Variants in FAM204A observed in about 807,000 individuals in gnomAD.
FAM204A encodes protein FAM204A.
A neutral mutation model predicts 35.4 loss-of-function variants in FAM204A; 16 were observed. The observed-to-expected ratio is 0.45, with a 90% confidence interval of 0.31 to 0.69. The LOEUF (loss-of-function observed/expected upper bound fraction) is 0.69. Among genes scored for constraint, FAM204A ranks in the 30% least tolerant of loss-of-function variants. The pLI, the probability that FAM204A is intolerant of heterozygous loss-of-function variation, is 0.07. For missense variants in FAM204A, 240 were observed against 265.7 expected (o/e 0.90, Z 0.67); for synonymous variants, 76 against 86.9 (o/e 0.88, Z 0.70).
At position 118,335,565 on chromosome 10, in the gene FAM204A, C is replaced by T. The variant is rs148686616; in HGVS notation, c.311G>A (p.Arg104His). 29 of 1,611,238 alleles carry T rather than the reference C, an allele frequency of 1.8e-5. No homozygotes were observed. The African/African-American group carries it at 3.3e-4, about 19-fold the overall frequency. ...TTAAAACAAAACACCTTTTCTGGAGCGTTTTCTTCTTTTCCCTCTGAATCT... is the reference window on the plus strand; with the variant it reads ...TTAAAACAAAACACCTTTTCTGGAGTGTTTTCTTCTTTTCCCTCTGAATCT... Reference protein sequence around the residue: ...TSRFRGKRRKRSRKDKLKNEK... With the variant: ...TSRFRGKRRKHSRKDKLKNEK... The change falls in exon 4 of 9, where the codon CGC becomes CAC. Residue 104 changes from arginine (R) to histidine (H), a missense_variant. Around this residue, in one of 2 missense-constraint regions of FAM204A, gnomAD observed 232 missense variants for 242.8 expected, o/e 0.96. Coordinates refer to ENST00000369183, the MANE Select transcript of FAM204A (RefSeq NM_022063.3).
chr10:118,329,902 T>C (rs1846263816), intron 6 of FAM204A, among the ~76,000 whole-genome samples: 1 of 152,176 alleles, frequency 6.6e-6, no homozygotes, highest in Non-Finnish European at 1.5e-5. Flanking sequence ...TTCCAGAGAA[T>C]TCACAACTGT....
intron 7 of FAM204A, among the ~76,000 whole-genome samples, chr10:118,315,267 A>G (rs1846013359): frequency 6.6e-6 from 1 of 152,166 alleles, no homozygotes; most frequent in African/African-American, 2.4e-5. Context: ...CAAACTTCAA[A>G]ATAAAGTTAG....
intron 7 of FAM204A, among the ~76,000 whole-genome samples, chr10:118,321,889 A>G (rs1846124966): frequency 6.6e-6 from 1 of 152,118 alleles, no homozygotes; most frequent in East Asian, 1.9e-4. Flanking sequence ...CAGAGTTCAT[A>G]TGCAACCGCT....
intron 7 of FAM204A, among the ~76,000 whole-genome samples, chr10:118,319,526 C>T (rs1269684942): frequency 1.3e-5 from 2 of 151,856 alleles, no homozygotes; most frequent in South Asian, 2.1e-4. Flanking sequence ...AAGAGGGTAC[C>T]ATTAAAATGA....
At chr10:118,321,829 T>C (rs1021522484) in intron 7 of FAM204A, among the ~76,000 whole-genome samples, 5 of 150,588 alleles carry the variant, frequency 3.3e-5, no homozygotes, top group African/African-American at 1.2e-4. Context: ...AGCTTCAAAC[T>C]GCACATAGAA....
rs1212795803 is a variant in FAM204A, at chr10:118,310,116, T to C, written c.*741A>G. The C allele has an allele frequency of 6.6e-6, 1 of 152,106 alleles. No homozygotes were observed. Among genetic ancestry groups the C allele is most frequent in the African/African-American group, 2.4e-5 (1 of 41,380 alleles). The allele number at this position is 152,106 out of a possible 1,614,324, so 9.4% of individuals were successfully genotyped here. ...CTTTTTGGTACTTACGACTAATCCATTATAAACAACTGTCAGTCTTAAAAA... is the reference window on the plus strand; with the variant it reads ...CTTTTTGGTACTTACGACTAATCCACTATAAACAACTGTCAGTCTTAAAAA... On this transcript the variant is annotated 3_prime_UTR_variant, in exon 9 of 9. Coordinates refer to ENST00000369183, the MANE Select transcript of FAM204A (RefSeq NM_022063.3).
rs554777232 is a variant in FAM204A at position 118,335,230 on chromosome 10, A to G, written c.354-17T>C. ...GACGGTTCACTAAAAGAAGATAGTAAGTTTTGTTTTATACAATATATACTG... is the reference window on the plus strand; with the variant it reads ...GACGGTTCACTAAAAGAAGATAGTAGGTTTTGTTTTATACAATATATACTG... On this transcript the variant is annotated splice_polypyrimidine_tract_variant and intron_variant, in intron 5 of 8. Transcript: ENST00000369183. The G allele has an allele frequency of 2.5e-4, 399 of 1,604,966 alleles. 7 individuals are homozygous for G. The South Asian group carries it at 4.2e-3, about 17-fold the overall frequency.
chr10:118,316,685 C>T (rs775494304), intron 7 of FAM204A, among the ~76,000 whole-genome samples: 4 of 152,092 alleles, frequency 2.6e-5, no homozygotes, highest in Non-Finnish European at 5.9e-5. Context: ...TTTTAAAACA[C>T]ATCAAATAGA....
chr10:118,330,547 A>G (rs1320090864), intron 6 of FAM204A, among the ~76,000 whole-genome samples: 1 of 152,234 alleles, frequency 6.6e-6, no homozygotes, highest in African/African-American at 2.4e-5. Context: ...ACTGGCTTGA[A>G]TGAGTAACCC....
At chr10:118,332,019 CA>C (rs1464586124) in intron 6 of FAM204A, among the ~76,000 whole-genome samples, 3 of 150,388 alleles carry the variant, frequency 2.0e-5, no homozygotes, top group Non-Finnish European at 4.4e-5. Context: ...ACTAAAAATA[CA>C]AAAATTAGCT....
At chr10:118,339,280 T>C (rs1459872904) in intron 2 of FAM204A, among the ~76,000 whole-genome samples, 1 of 152,176 alleles carries the variant, frequency 6.6e-6, no homozygotes, top group Non-Finnish European at 1.5e-5. Context: ...TCAGCCAATA[T>C]GGAGTGGCTG....
intron 6 of FAM204A, among the ~76,000 whole-genome samples, chr10:118,329,489 T>C (rs897152557): frequency 1.3e-5 from 2 of 152,138 alleles, no homozygotes; most frequent in African/African-American, 4.8e-5. Flanking sequence ...TGAAAAATAT[T>C]AATCATCCCT....
At chr10:118,324,853 C>T (rs759162182) in intron 7 of FAM204A, among the ~76,000 whole-genome samples, 6 of 152,086 alleles carry the variant, frequency 3.9e-5, no homozygotes, top group Non-Finnish European at 8.8e-5. Context: ...GTACATTTTA[C>T]AATTTAAAAA....
At chr10:118,337,628 A>C (rs1443287018) in intron 2 of FAM204A, among the ~76,000 whole-genome samples, 2 of 152,096 alleles carry the variant, frequency 1.3e-5, no homozygotes, top group East Asian at 1.9e-4. Context: ...ATGAGGAAGG[A>C]CTCTGGCATC....
At chr10:118,328,369 G>C (rs973477362) in intron 6 of FAM204A, among the ~76,000 whole-genome samples, 1 of 152,130 alleles carries the variant, frequency 6.6e-6, no homozygotes, top group African/African-American at 2.4e-5. Context: ...CAAAGTTTAA[G>C]TGCTGGACTA....
chr10:118,320,630 T>C (rs2133274633), intron 7 of FAM204A, among the ~76,000 whole-genome samples: 1 of 152,062 alleles, frequency 6.6e-6, no homozygotes, highest in Admixed American at 6.6e-5. Flanking sequence ...ATGTTTCTAC[T>C]TCATCTCTCC....
rs766963564 is a variant in FAM204A, at chr10:118,336,264, G to A, written c.152C>T (p.Thr51Ile). The change falls in exon 3 of 9, where the codon ACA becomes ATA. Residue 51 changes from threonine (T) to isoleucine (I), a missense_variant. Physicochemically the swap from Thr to Ile is moderately conservative, Grantham distance 89. Coordinates refer to ENST00000369183, the MANE Select transcript of FAM204A (RefSeq NM_022063.3). ...IRKTEIIDFS[T>I]DEPKTETESN... ...CTCTGTTTCAGTTTTTGGTTCATCT[G>A]TTGAGAAATCTATGATTTCTGTTTT... 1.1e-5 allele frequency: 17 copies of A among 1,613,884 alleles called. No homozygotes were observed. Among genetic ancestry groups the A allele is most frequent in the African/African-American group, 2.7e-5 (2 of 75,018 alleles).
At chr10:118,335,714 T>A in intron 3 of FAM204A, 73 bp from the exon 4 acceptor site, 2 of 1,122,164 alleles carry the variant, frequency 1.8e-6, no homozygotes, top group Non-Finnish European at 2.6e-6. Flanking sequence ...AATAATGAAG[T>A]AATAAAACAA....
intron 7 of FAM204A, among the ~76,000 whole-genome samples, chr10:118,316,678 T>C (rs765741314): frequency 6.6e-5 from 10 of 152,138 alleles, no homozygotes; most frequent in African/African-American, 1.2e-4. Flanking sequence ...ATCCTGTTTT[T>C]AAAACACATC....
Sources: gnomAD v4.1 joint callset for allele counts (sites outside exome capture counted in the v4.1 genomes callset) on GRCh38, gnomAD v4.1.1 for gene constraint, gnomAD v4.1.1 regional missense constraint, MANE v1.5 for transcripts, NCBI Gene and HGNC (gene_info 2026-07-23, HGNC 2026-07-21) for gene names.